Variants in CSMD2 observed in about 807,000 individuals in gnomAD.
CSMD2 encodes CUB and sushi domain-containing protein 2.
A neutral mutation model predicts 398.5 loss-of-function variants in CSMD2; 130 were observed. That is an observed-to-expected ratio of 0.33 (90% CI 0.28 to 0.38). The LOEUF (loss-of-function observed/expected upper bound fraction) is 0.38. Among genes scored for constraint, CSMD2 ranks in the 10% least tolerant of loss-of-function variants. The pLI is 1.00. For synonymous variants in CSMD2, 1,828 were observed against 1,908.5 expected (o/e 0.96, Z 1.10); for missense variants, 3,829 against 4,764.9 (o/e 0.80, Z 5.78).
At chr1:34,100,207 T>C (rs1476162399) in intron 1 of CSMD2, among the ~76,000 whole-genome samples, 16 of 152,224 alleles carry the variant, frequency 1.1e-4, no homozygotes, top group African/African-American at 3.9e-4. Flanking sequence ...TGTGGACTTG[T>C]AATATGCATA....
Position 33,624,963 on chromosome 1 carries a change from G to T in CSMD2, c.5500+88C>A. The T allele has an allele frequency of 1.5e-6, 2 of 1,328,678 alleles. No individual in the cohort carries two copies. Among genetic ancestry groups the T allele is most frequent in the Non-Finnish European group, 2.1e-6 (2 of 931,166 alleles). The allele number at this position is 1,328,678 out of a possible 1,614,324, so 82.3% of individuals were successfully genotyped here. On this transcript the variant is annotated intron_variant, in intron 34 of 70. Transcript: ENST00000373381. The surrounding 1 kb of genome is among the most constrained non-coding windows in gnomAD (Gnocchi z 4.7). ...GGGAAGCGGCTGCTGTGTGTCGTGG[G>T]GCATCACTGGGGCTGACTGCCTCCC...
At chr1:34,073,601 T>C (rs1655980100) in intron 2 of CSMD2, among the ~76,000 whole-genome samples, 1 of 152,172 alleles carries the variant, frequency 6.6e-6, no homozygotes, top group African/African-American at 2.4e-5. Context: ...AAAATACCTA[T>C]TACATTTACT....
rs185178963 is a variant in CSMD2, at chr1:33,829,571, C to A, written c.1034-3797G>T. Among the ~76,000 whole-genome samples the A allele has an allele frequency of 1.4e-4, 22 of 152,308 alleles. No homozygotes were observed. In the East Asian group the frequency reaches 3.5e-3, roughly 24 times the overall value. On this transcript the variant is annotated intron_variant, in intron 6 of 70. Transcript: ENST00000373381. Reference sequence around the variant, plus strand: ...AACAGCTCCAGTCTACAGCTCCCAGCGTGAGCGACGCAGAAGAAGGGTGAT... The same window carrying A: ...AACAGCTCCAGTCTACAGCTCCCAGAGTGAGCGACGCAGAAGAAGGGTGAT...
At chr1:34,073,805 A>G (rs1335548262) in intron 2 of CSMD2, among the ~76,000 whole-genome samples, 2 of 152,184 alleles carry the variant, frequency 1.3e-5, no homozygotes, top group Non-Finnish European at 2.9e-5. Context: ...ATTGCTGTAA[A>G]GAAATACCTG....
chr1:33,655,002 G>A (rs1643905067), intron 27 of CSMD2, among the ~76,000 whole-genome samples: 1 of 152,262 alleles, frequency 6.6e-6, no homozygotes, highest in South Asian at 2.1e-4. Flanking sequence ...GGCTTCCCTG[G>A]CTGCTGCCAG....
intron 5 of CSMD2, among the ~76,000 whole-genome samples, chr1:33,908,998 G>A (rs527863562): frequency 4.6e-5 from 7 of 152,328 alleles, no homozygotes; most frequent in African/African-American, 1.7e-4. Flanking sequence ...GGAGAGAGAA[G>A]CAAAGGCGTC....
In CSMD2 at chr1:33,675,790, A is replaced by G. The variant is rs557798949; in HGVS notation, c.4053-12698T>C. ...CAAGTGGGCTTCATCCCTGGGATGC[A>G]AGACTGGTTCAACATACGCAAATCA... On this transcript the variant is annotated intron_variant, in intron 25 of 70. Transcript: ENST00000373381. Among the ~76,000 whole-genome samples, 451 of 152,358 alleles carry G rather than the reference A, an allele frequency of 3.0e-3. 4 individuals carry two copies. Among genetic ancestry groups the G allele is most frequent in the African/African-American group, 0.011 (440 of 41,588 alleles).
intron 13 of CSMD2, among the ~76,000 whole-genome samples, chr1:33,750,421 C>T (rs1055926737): frequency 6.6e-5 from 10 of 152,212 alleles, no homozygotes; most frequent in African/African-American, 2.2e-4. Context: ...CAGAGACAGA[C>T]GCTGAGTCCA....
At chr1:33,812,851 G>A (rs1463420727) in intron 9 of CSMD2, 1 of 152,176 alleles carries the variant, frequency 6.6e-6, no homozygotes, top group Non-Finnish European at 1.5e-5. Flanking sequence ...CTATGCCCAG[G>A]ATTTCTCTCA....
intron 3 of CSMD2, among the ~76,000 whole-genome samples, chr1:33,975,983 A>C (rs1645948839): frequency 6.6e-6 from 1 of 152,214 alleles, no homozygotes; most frequent in African/African-American, 2.4e-5. Flanking sequence ...CCTGACATCC[A>C]AATGCAGGGG....
At chr1:33,692,199 G>A (rs980856973) in intron 25 of CSMD2, among the ~76,000 whole-genome samples, 1 of 152,200 alleles carries the variant, frequency 6.6e-6, no homozygotes. Context: ...AAATGGTGAT[G>A]GTTCTTTCTC....
At chr1:33,663,115 G>A in intron 25 of CSMD2, 23 bp from the exon 26 acceptor site, 1 of 1,603,524 alleles carries the variant, frequency 6.2e-7, no homozygotes, top group Non-Finnish European at 8.5e-7. Context: ...AAGAGGCAGT[G>A]GTCATCTGGA....
rs1022968493 is a variant in CSMD2 at position 33,715,528 on chromosome 1, A to C, written c.3218-753T>G. Reference sequence around the variant, plus strand: ...ATAAGGGTTGAGTCTCACTGGCTGGATATGTCCCATTGGCCAAGTGAATCC... The same window carrying C: ...ATAAGGGTTGAGTCTCACTGGCTGGCTATGTCCCATTGGCCAAGTGAATCC... On this transcript the variant is annotated intron_variant, in intron 20 of 70. Transcript: ENST00000373381. Among the ~76,000 whole-genome samples, 3 of 152,280 alleles carry C rather than the reference A, an allele frequency of 2.0e-5. No individual in the cohort carries two copies. In the South Asian group the frequency reaches 6.2e-4, roughly 32 times the overall value.
intron 3 of CSMD2, among the ~76,000 whole-genome samples, chr1:33,977,185 C>T (rs1370781433): frequency 2.0e-5 from 3 of 152,038 alleles, no homozygotes; most frequent in South Asian, 4.2e-4. Context: ...GGAATGACTA[C>T]CTTCCCATAG....
intron 15 of CSMD2, among the ~76,000 whole-genome samples, chr1:33,732,508 C>T (rs1300139615): frequency 3.3e-5 from 5 of 152,138 alleles, no homozygotes; most frequent in East Asian, 1.9e-4. Context: ...AAACAGGCCA[C>T]GTGAGAACAC....
Position 33,891,531 on chromosome 1 carries a change from C to T in CSMD2, c.920+26563G>A, listed in dbSNP as rs1157808774. Among the ~76,000 whole-genome samples the T allele has an allele frequency of 1.7e-4, 26 of 151,736 alleles. 2 individuals are homozygous for T. The highest frequency in any genetic ancestry group is 6.3e-4 in the African/African-American group (26 of 41,212). ...CTAGAACTAGAAATACCATTTGACCCAGCCATCTCATTACTGGGTATATAC... is the reference window on the plus strand; with the variant it reads ...CTAGAACTAGAAATACCATTTGACCTAGCCATCTCATTACTGGGTATATAC... On this transcript the variant is annotated intron_variant, in intron 5 of 70. Coordinates refer to ENST00000373381, the MANE Select transcript of CSMD2 (RefSeq NM_001281956.2).
chr1:33,681,510 A>G (rs1462529775), intron 25 of CSMD2, among the ~76,000 whole-genome samples: 3 of 152,236 alleles, frequency 2.0e-5, no homozygotes, highest in African/African-American at 7.2e-5. Context: ...CATTGACAAT[A>G]TAAGTAGGGA....
At chr1:33,740,793 ATACAT>A in intron 14 of CSMD2, among the ~76,000 whole-genome samples, 1 of 152,336 alleles carries the variant, frequency 6.6e-6, no homozygotes, top group Admixed American at 6.5e-5. Context: ...GTAGGCACAG[ATACAT>A]ACACCCACAT....
At chr1:33,801,704 A>G (rs1424192595) in intron 10 of CSMD2, among the ~76,000 whole-genome samples, 1 of 152,228 alleles carries the variant, frequency 6.6e-6, no homozygotes, top group Non-Finnish European at 1.5e-5. Flanking sequence ...TGATGAAGTT[A>G]GGAAGGCTTC....
Sources: allele counts gnomAD v4.1 joint callset (sites outside exome capture counted in the v4.1 genomes callset), GRCh38; gene constraint gnomAD v4.1.1; non-coding constraint Gnocchi (gnomAD v3.1); transcripts MANE v1.5; gene names NCBI Gene and HGNC (gene_info 2026-07-23, HGNC 2026-07-21).